The following TRDN variants were observed in gnomAD, a reference collection of about 807,000 sequenced individuals.
TRDN encodes triadin in skeletal muscle.
TRDN carries 161 observed loss-of-function variants against 149.7 expected under a neutral mutation model. The observed-to-expected ratio is 1.08, with a 90% CI of 0.95 to 1.23. The LOEUF (loss-of-function observed/expected upper bound fraction) is 1.23. Ranked by LOEUF, TRDN falls within the 50% of genes most tolerant of loss-of-function variation. The pLI is 0.00. For missense variants in TRDN, 896 were observed against 823.5 expected (o/e 1.09, Z -1.08); for synonymous variants, 294 against 250.5 (o/e 1.17, Z -1.64).
chr6:123,309,164 G>T lies in TRDN; in HGVS notation c.1510+7293C>A, dbSNP rs142930850. ...TGACTAACAATTCCACCTTCTTCTC[G>T]ATTATGGCCTCAAGAATCCAAATTT... is the stretch of plus-strand genomic sequence containing the variant. On this transcript the variant is annotated intron_variant, in intron 24 of 40. Coordinates refer to ENST00000334268, the MANE Select transcript of TRDN (RefSeq NM_006073.4). 3.6e-3 allele frequency among the ~76,000 whole-genome samples: 553 copies of T among 151,760 alleles called. 8 individuals are homozygous for T. Among genetic ancestry groups the T allele is most frequent in the Admixed American group, 0.031 (468 of 15,182 alleles).
intron 2 of TRDN, among the ~76,000 whole-genome samples, chr6:123,554,419 C>T (rs550967067): frequency 1.3e-5 from 2 of 152,096 alleles, no homozygotes; most frequent in Admixed American, 6.6e-5. Context: ...TTTCAAAATA[C>T]ATAGAGATAA....
intron 38 of TRDN, among the ~76,000 whole-genome samples, chr6:123,247,206 G>A (rs1222038771): frequency 6.6e-6 from 1 of 152,124 alleles, no homozygotes; most frequent in Non-Finnish European, 1.5e-5. Context: ...ACAAGTATGT[G>A]CTCTCTCACC....
chr6:123,286,708 C>A (rs1478653045), intron 24 of TRDN, among the ~76,000 whole-genome samples: 2 of 151,896 alleles, frequency 1.3e-5, no homozygotes, highest in Non-Finnish European at 2.9e-5. Context: ...ATTAAAAAAA[C>A]ACACACACAC....
intron 1 of TRDN, among the ~76,000 whole-genome samples, chr6:123,590,706 G>A (rs924994883): frequency 6.6e-6 from 1 of 152,164 alleles, no homozygotes; most frequent in Non-Finnish European, 1.5e-5. Flanking sequence ...AGGTTGCAGT[G>A]AGCCAAGACC....
chr6:123,389,686 C>A (rs1017931085), intron 13 of TRDN, among the ~76,000 whole-genome samples: 2 of 152,102 alleles, frequency 1.3e-5, no homozygotes, highest in African/African-American at 4.8e-5. Flanking sequence ...CGTGCTATTA[C>A]TTTTGTAGTA....
intron 12 of TRDN, among the ~76,000 whole-genome samples, chr6:123,415,559 T>C (rs1320145412): frequency 6.6e-6 from 1 of 152,234 alleles, no homozygotes; most frequent in Admixed American, 6.5e-5. Flanking sequence ...ATCCCATATG[T>C]AAATTTATAT....
chr6:123,600,804 T>G (rs1253814883), intron 1 of TRDN, among the ~76,000 whole-genome samples: 1 of 152,152 alleles, frequency 6.6e-6, no homozygotes, highest in Non-Finnish European at 1.5e-5. Flanking sequence ...ATAATTCTAC[T>G]GTCCAGTTTT....
At chr6:123,465,084 A>G (rs1029363436) in intron 9 of TRDN, 101 bp from the exon 10 acceptor site, 2 of 1,234,958 alleles carry the variant, frequency 1.6e-6, no homozygotes, top group Admixed American at 2.7e-5. Flanking sequence ...ATAATTCATA[A>G]TACCAAGCCA....
chr6:123,297,355 A>T (rs1172979171), intron 24 of TRDN, among the ~76,000 whole-genome samples: 1 of 152,038 alleles, frequency 6.6e-6, no homozygotes, highest in Non-Finnish European at 1.5e-5. Flanking sequence ...GATGTTGAAG[A>T]GACTGTTTAG....
At chr6:123,393,746 CA>C (rs1015637779) in intron 12 of TRDN, 69 bp from the exon 13 acceptor site, 69 of 1,399,354 alleles carry the variant, frequency 4.9e-5, no homozygotes, top group Admixed American at 3.9e-4. Flanking sequence ...AAAAAAGGGA[CA>C]GGGGAGCACA....
intron 2 of TRDN, among the ~76,000 whole-genome samples, chr6:123,560,379 T>C (rs1562389497): frequency 6.6e-6 from 1 of 152,088 alleles, no homozygotes; most frequent in African/African-American, 2.4e-5. Flanking sequence ...CACCAAGCTG[T>C]TTTATAGGTG....
At chr6:123,433,904 G>A (rs1002489771) in intron 12 of TRDN, 1 of 152,146 alleles carries the variant, frequency 6.6e-6, no homozygotes, top group African/African-American at 2.4e-5. Context: ...AAGTCAACTT[G>A]TTAATTGTTC....
chr6:123,407,840 C>A (rs900465653), intron 12 of TRDN, among the ~76,000 whole-genome samples: 2 of 151,924 alleles, frequency 1.3e-5, no homozygotes, highest in African/African-American at 2.4e-5. Flanking sequence ...TTGTTATAAA[C>A]CTTGAAAATT....
intron 19 of TRDN, 101 bp from the exon 20 acceptor site, chr6:123,366,283 C>T: frequency 1.7e-6 from 2 of 1,171,908 alleles, no homozygotes; most frequent in Middle Eastern, 2.1e-4. Flanking sequence ...ATGTATGTTG[C>T]ACATGAGAGC....
intron 2 of TRDN, 93 bp from the exon 3 acceptor site, chr6:123,548,705 C>T: frequency 5.5e-6 from 6 of 1,097,532 alleles, no homozygotes; most frequent in Non-Finnish European, 7.1e-6. Flanking sequence ...GTTGTTTTGA[C>T]AAAAAGAATA....
In TRDN at chr6:123,512,310, C is replaced by T; in HGVS notation, c.603G>A (p.Leu201=). 6.7e-7 allele frequency: 1 copy of T among 1,485,856 alleles called. No individual in the cohort carries two copies. The highest frequency in any genetic ancestry group is 1.2e-5 in the South Asian group (1 of 80,784). 92.0% of individuals were successfully genotyped at this position (1,485,856 alleles called of 1,614,324 possible). A position where few individuals can be genotyped will look rare whatever the true frequency, so the allele number is the denominator to read the frequency against. ...AATAAATTGAAAAGTTACCTTTCGC[C>T]AGTGTCTTTGTTTCTGGTTTTTCTT... ...EKKEKPETKT[L]AKEQKKAKTA... is the part of the protein sequence containing the mutation. Residue 201 remains leucine (L), a synonymous_variant, in exon 7 of 41, where the codon CTG becomes CTA. Transcript: ENST00000334268.
intron 12 of TRDN, among the ~76,000 whole-genome samples, chr6:123,400,902 C>A (rs140145135): frequency 2.4e-3 from 362 of 152,222 alleles, no homozygotes; most frequent in Admixed American, 4.3e-3. Context: ...TGAATGTAGT[C>A]CTCTGAAAAT....
At chr6:123,556,652 CT>C (rs1387666967) in intron 2 of TRDN, among the ~76,000 whole-genome samples, 2 of 149,758 alleles carry the variant, frequency 1.3e-5, no homozygotes, top group African/African-American at 5.0e-5. Flanking sequence ...CTTCTTCTTC[CT>C]CTTCCTCTTC....
At chr6:123,580,261 T>A (rs1783057390) in intron 1 of TRDN, among the ~76,000 whole-genome samples, 1 of 152,136 alleles carries the variant, frequency 6.6e-6, no homozygotes, top group South Asian at 2.1e-4. Flanking sequence ...GAACACTATT[T>A]TTTCTACAAA....
Sources: allele counts gnomAD v4.1 joint callset (sites outside exome capture counted in the v4.1 genomes callset), GRCh38; gene constraint gnomAD v4.1.1; transcripts MANE v1.5; gene names NCBI Gene and HGNC (gene_info 2026-07-23, HGNC 2026-07-21).